PTPRT: variants seen among roughly 807,000 people sequenced by gnomAD.
PTPRT encodes the protein protein tyrosine phosphatase receptor type T, also known as receptor-type tyrosine-protein phosphatase T.
In PTPRT, 56 loss-of-function variants were observed where a neutral mutation model predicts 176.8. The ratio of observed to expected loss-of-function variants is 0.32; its 90% CI spans 0.26 to 0.40. The LOEUF (loss-of-function observed/expected upper bound fraction) is 0.40, where lower values mean the gene tolerates loss of function less well. Ranked by LOEUF, PTPRT falls within the 10% of genes least tolerant of loss-of-function variation. PTPRT has a pLI of 1.00. For synonymous variants in PTPRT, 783 were observed against 739.0 expected (o/e 1.06, Z -0.96); for missense variants, 1,540 against 1,908.2 (o/e 0.81, Z 3.60).
rs558836537 is a variant in PTPRT, at chr20:42,809,527, C to T, written c.215-18061G>A. On this transcript the variant is annotated intron_variant, in intron 2 of 30. Coordinates refer to ENST00000373187, the MANE Select transcript of PTPRT (RefSeq NM_007050.6). ...CTAGGGCTGCCGGAACAAATTACCA[C>T]AAACTTGGCGGTTTAGGATAACAGA... Among the ~76,000 whole-genome samples the T allele has an allele frequency of 1.8e-4, 28 of 152,342 alleles. No individual in the cohort carries two copies. The South Asian group carries it at 5.8e-3, about 32-fold the overall frequency.
intron 1 of PTPRT, among the ~76,000 whole-genome samples, chr20:43,138,286 A>G (rs1417172521): frequency 6.6e-6 from 1 of 152,222 alleles, no homozygotes; most frequent in African/African-American, 2.4e-5. Context: ...CTAAAAGCCA[A>G]CCGAGTAGGC....
intron 2 of PTPRT, among the ~76,000 whole-genome samples, chr20:42,828,759 G>C (rs2078038951): frequency 6.6e-6 from 1 of 152,178 alleles, no homozygotes; most frequent in Non-Finnish European, 1.5e-5. Context: ...GTGCACATAA[G>C]TTAAGAATTG....
intron 8 of PTPRT, among the ~76,000 whole-genome samples, chr20:42,452,967 T>A (rs780233685): frequency 6.6e-6 from 1 of 152,208 alleles, no homozygotes; most frequent in South Asian, 2.1e-4. Context: ...TCAAATGCCA[T>A]CTTACTACCA....
intron 1 of PTPRT, among the ~76,000 whole-genome samples, chr20:42,893,949 T>C (rs208190): frequency 0.96 from 146,183 of 151,944 alleles, 70,460 homozygotes; most frequent in Middle Eastern, 0.99. Context: ...CTGCATGGCA[T>C]ATGTATACAT....
chr20:42,778,507 T>C (rs576278995), intron 4 of PTPRT, among the ~76,000 whole-genome samples: 26 of 152,044 alleles, frequency 1.7e-4, no homozygotes, highest in African/African-American at 6.3e-4. Context: ...GGAACACAGG[T>C]AGATGTGGCA....
At chr20:42,296,166 G>A (rs889316041) in intron 12 of PTPRT, among the ~76,000 whole-genome samples, 1 of 152,168 alleles carries the variant, frequency 6.6e-6, no homozygotes, top group Non-Finnish European at 1.5e-5. Flanking sequence ...GTGCTAAATA[G>A]GCCAGGTGCC....
At chr20:42,456,073 T>C (rs757825750) in intron 8 of PTPRT, among the ~76,000 whole-genome samples, 14 of 152,104 alleles carry the variant, frequency 9.2e-5, no homozygotes, top group African/African-American at 7.2e-5. Flanking sequence ...ATTTAGGCCT[T>C]CCTTAACGTC....
At chr20:42,732,873 T>G (rs1474847608) in intron 6 of PTPRT, among the ~76,000 whole-genome samples, 2 of 152,234 alleles carry the variant, frequency 1.3e-5, no homozygotes, top group Non-Finnish European at 2.9e-5. Context: ...GTTCATATTT[T>G]AATACACTAC....
At chr20:43,174,652 T>G (rs1190028688) in intron 1 of PTPRT, among the ~76,000 whole-genome samples, 1 of 152,224 alleles carries the variant, frequency 6.6e-6, no homozygotes, top group African/African-American at 2.4e-5. Context: ...TATACTCTTT[T>G]GGGTTTAGAA....
At chr20:43,181,001 A>C (rs1555844466) in intron 1 of PTPRT, among the ~76,000 whole-genome samples, 1 of 151,620 alleles carries the variant, frequency 6.6e-6, no homozygotes, top group African/African-American at 2.4e-5. Flanking sequence ...TCTTGCTCAC[A>C]CTCTCTCCGG....
chr20:42,823,654 A>G (rs971976633), intron 2 of PTPRT, among the ~76,000 whole-genome samples: 3 of 152,186 alleles, frequency 2.0e-5, no homozygotes, highest in African/African-American at 4.8e-5. Flanking sequence ...ACAACATCAT[A>G]TATAAGAGTC....
chr20:42,041,203 G>T, the PTPRT span, among the ~76,000 whole-genome samples: 1 of 152,224 alleles, frequency 6.6e-6, no homozygotes, highest in African/African-American at 2.4e-5. Flanking sequence ...TGCCCTCGAT[G>T]CTCCCGTTTT....
intron 8 of PTPRT, among the ~76,000 whole-genome samples, chr20:42,469,841 T>G (rs532965550): frequency 1.3e-5 from 2 of 151,870 alleles, no homozygotes; most frequent in Non-Finnish European, 2.9e-5. Context: ...ATGGTGGAAG[T>G]GAGAATTAGG....
chr20:42,851,099 C>T (rs1479664995), intron 2 of PTPRT, among the ~76,000 whole-genome samples: 2 of 152,140 alleles, frequency 1.3e-5, no homozygotes, highest in African/African-American at 2.4e-5. Flanking sequence ...TTCAAACATC[C>T]AAGATACTAG....
chr20:42,328,658 A>G (rs1357542662), intron 11 of PTPRT, among the ~76,000 whole-genome samples: 1 of 152,198 alleles, frequency 6.6e-6, no homozygotes, highest in Non-Finnish European at 1.5e-5. Context: ...TCCTTTTCAG[A>G]TTTCAAAATA....
chr20:42,429,753 C>A (rs1015800937), intron 9 of PTPRT, among the ~76,000 whole-genome samples: 3 of 152,308 alleles, frequency 2.0e-5, no homozygotes, highest in African/African-American at 4.8e-5. Context: ...GGAATAAATT[C>A]TATTATAAAC....
chr20:42,262,075 T>C (rs1364241909), intron 13 of PTPRT, among the ~76,000 whole-genome samples: 1 of 152,194 alleles, frequency 6.6e-6, no homozygotes, highest in Non-Finnish European at 1.5e-5. Context: ...GCAACGGTAA[T>C]AAAATGAGCA....
intron 1 of PTPRT, among the ~76,000 whole-genome samples, chr20:43,090,270 A>T (rs1004052999): frequency 9.8e-5 from 14 of 142,822 alleles, no homozygotes; most frequent in Admixed American, 6.3e-4. Context: ...ACAGGTGACT[A>T]TTTTTTTTTT....
At chr20:42,998,956 C>T (rs547857676) in intron 1 of PTPRT, among the ~76,000 whole-genome samples, 1 of 152,288 alleles carries the variant, frequency 6.6e-6, no homozygotes, top group East Asian at 1.9e-4. Flanking sequence ...CTACAGCCAC[C>T]CACTACTTCT....
Sources: gnomAD v4.1 joint callset for allele counts (sites outside exome capture counted in the v4.1 genomes callset) on GRCh38, gnomAD v4.1.1 for gene constraint, MANE v1.5 for transcripts, NCBI Gene and HGNC (gene_info 2026-07-23, HGNC 2026-07-21) for gene names.